KCNC2: variants seen among roughly 807,000 people sequenced by gnomAD.
KCNC2 encodes voltage-gated potassium channel KCNC2.
In KCNC2, 21 loss-of-function variants were observed where a neutral mutation model predicts 44.5. That is an observed-to-expected ratio of 0.47 (90% CI 0.33 to 0.68). The LOEUF (loss-of-function observed/expected upper bound fraction) is 0.68, where lower values mean the gene tolerates loss of function less well. Ranked by LOEUF, KCNC2 falls within the 30% of genes least tolerant of loss-of-function variation. The probability of loss-of-function intolerance (pLI) is 0.01; values close to 1 mark genes in which losing one functional copy is unlikely to be tolerated. For synonymous variants in KCNC2, 391 were observed against 339.1 expected (o/e 1.15, Z -1.68); for missense variants, 589 against 826.2 (o/e 0.71, Z 3.52).
chr12:75,173,162 C>T (rs1891948509), intron 2 of KCNC2, among the ~76,000 whole-genome samples: 1 of 151,866 alleles, frequency 6.6e-6, no homozygotes, highest in South Asian at 2.1e-4. Flanking sequence ...TTTACGTCTT[C>T]TCCCTTTCAC....
At position 75,099,700 on chromosome 12, in the gene KCNC2, C is replaced by T. The variant is rs552769848; in HGVS notation, c.688-48383G>A. Among the ~76,000 whole-genome samples the T allele has an allele frequency of 1.1e-4, 16 of 152,188 alleles. No individual in the cohort carries two copies. In the East Asian group the frequency reaches 3.1e-3, roughly 29 times the overall value. ...TGCTCAAATACAAGATTTCTATTAT[C>T]CTCATTTTAACCTCAAGTCTCTATT... On this transcript the variant is annotated intron_variant, in intron 2 of 4. Coordinates refer to ENST00000549446, the MANE Select transcript of KCNC2 (RefSeq NM_139137.4).
intron 2 of KCNC2, among the ~76,000 whole-genome samples, chr12:75,132,435 C>A (rs1203944235): frequency 6.6e-6 from 1 of 152,050 alleles, no homozygotes; most frequent in Admixed American, 6.6e-5. Context: ...AGAATTGAGG[C>A]CATGGGTTTA....
At chr12:75,071,672 C>A (rs1440254058) in intron 2 of KCNC2, among the ~76,000 whole-genome samples, 1 of 152,128 alleles carries the variant, frequency 6.6e-6, no homozygotes, top group East Asian at 1.9e-4. Flanking sequence ...TAACTCTTGG[C>A]CAGACGCGGT....
At chr12:75,138,796 C>A (rs1449561093) in intron 2 of KCNC2, among the ~76,000 whole-genome samples, 1 of 151,832 alleles carries the variant, frequency 6.6e-6, no homozygotes, top group Non-Finnish European at 1.5e-5. Flanking sequence ...CTGGTTAACA[C>A]GGTGAAACCC....
intron 4 of KCNC2, among the ~76,000 whole-genome samples, chr12:75,047,103 A>T (rs956870825): frequency 6.6e-6 from 1 of 152,054 alleles, no homozygotes; most frequent in African/African-American, 2.4e-5. Flanking sequence ...ATTCAAATTC[A>T]GTCAATTACC....
chr12:75,188,865 A>C (rs1163090435), intron 2 of KCNC2, among the ~76,000 whole-genome samples: 1 of 53,190 alleles, frequency 1.9e-5, no homozygotes, highest in Non-Finnish European at 4.4e-5. Context: ...CCATCTCAAT[A>C]AATAAATAAA....
chr12:75,043,556 A>G (rs1880159610), intron 4 of KCNC2: 4 of 1,220,724 alleles, frequency 3.3e-6, no homozygotes, highest in Non-Finnish European at 2.1e-6. Flanking sequence ...AGGCAAAGCA[A>G]CTTAAGTAAG....
chr12:75,116,809 G>A (rs1404279733), intron 2 of KCNC2, among the ~76,000 whole-genome samples: 2 of 152,002 alleles, frequency 1.3e-5, no homozygotes, highest in Admixed American at 1.3e-4. Flanking sequence ...CCTCCCCCGG[G>A]CCAACACACA....
At position 75,042,300 on chromosome 12, in the gene KCNC2, C is replaced by T; in HGVS notation, c.*805G>A. The T allele has an allele frequency of 6.2e-7, 1 of 1,610,736 alleles. No individual in the cohort carries two copies. The highest frequency in any genetic ancestry group is 8.5e-7 in the Non-Finnish European group (1 of 1,178,168). ...GTTACCTTTCTCTCATGTTTTGTGC[C>T]TTCCCCAAGTCATTAAGTAAGAGAT... is the stretch of plus-strand genomic sequence containing the variant. On this transcript the variant is annotated 3_prime_UTR_variant, in exon 5 of 5. Coordinates refer to ENST00000549446, the MANE Select transcript of KCNC2 (RefSeq NM_139137.4).
chr12:75,118,162 C>T (rs115575359), intron 2 of KCNC2, among the ~76,000 whole-genome samples: 3,526 of 152,072 alleles, frequency 0.023, 142 homozygotes, highest in African/African-American at 0.08. Context: ...TTAGACAAAT[C>T]AAGAAGCCAA....
intron 2 of KCNC2, among the ~76,000 whole-genome samples, chr12:75,113,658 C>T (rs1361509170): frequency 2.6e-5 from 4 of 152,178 alleles, no homozygotes; most frequent in African/African-American, 9.7e-5. Flanking sequence ...ACTAAGAACA[C>T]ATGGGCTGCC....
chr12:75,116,628 T>C (rs1421223032), intron 2 of KCNC2, among the ~76,000 whole-genome samples: 2 of 152,162 alleles, frequency 1.3e-5, no homozygotes, highest in Admixed American at 6.5e-5. Flanking sequence ...AACATGATAT[T>C]GTATCTTGAA....
intron 2 of KCNC2, among the ~76,000 whole-genome samples, chr12:75,079,433 T>G (rs1175577824): frequency 1.3e-5 from 2 of 152,166 alleles, no homozygotes; most frequent in Non-Finnish European, 2.9e-5. Flanking sequence ...ACATTAAGAA[T>G]GTAATTTTTA....
chr12:75,208,826 A>ATTG (rs530186237), intron 1 of KCNC2, among the ~76,000 whole-genome samples: 6 of 152,068 alleles, frequency 3.9e-5, no homozygotes, highest in Non-Finnish European at 7.3e-5. Flanking sequence ...TATTATTATT[A>ATTG]TTGTTGTTGA....
At chr12:75,135,804 T>C (rs1592943388) in intron 2 of KCNC2, among the ~76,000 whole-genome samples, 1 of 152,146 alleles carries the variant, frequency 6.6e-6, no homozygotes, top group Non-Finnish European at 1.5e-5. Flanking sequence ...TACAGTTTCA[T>C]TATAAGTCAA....
intron 2 of KCNC2, among the ~76,000 whole-genome samples, chr12:75,091,554 C>G (rs565296448): frequency 2.6e-5 from 4 of 151,700 alleles, no homozygotes; most frequent in Non-Finnish European, 5.9e-5. Context: ...TTTATCCTCA[C>G]GAAACCTAGC....
chr12:75,136,715 C>T (rs1889256683), intron 2 of KCNC2, among the ~76,000 whole-genome samples: 2 of 151,898 alleles, frequency 1.3e-5, no homozygotes, highest in African/African-American at 4.8e-5. Flanking sequence ...AACCCAGGAC[C>T]AGATGGATTC....
intron 2 of KCNC2, among the ~76,000 whole-genome samples, chr12:75,089,720 A>G (rs1448120001): frequency 6.6e-6 from 1 of 151,834 alleles, no homozygotes; most frequent in Non-Finnish European, 1.5e-5. Flanking sequence ...GTGTTGTTTC[A>G]GATTAAAATA....
intron 2 of KCNC2, among the ~76,000 whole-genome samples, chr12:75,203,262 C>T (rs61932910): frequency 1.3e-4 from 19 of 151,300 alleles, no homozygotes; most frequent in South Asian, 4.2e-4. Flanking sequence ...TGTGGCTTGG[C>T]GAAGAGGAAA....
Sources: gnomAD v4.1 joint callset for allele counts (sites outside exome capture counted in the v4.1 genomes callset) on GRCh38, gnomAD v4.1.1 for gene constraint, MANE v1.5 for transcripts, NCBI Gene and HGNC (gene_info 2026-07-23, HGNC 2026-07-21) for gene names.